The following USP24 variants were observed in gnomAD, a reference collection of about 807,000 sequenced individuals.
The protein encoded by USP24 is ubiquitin carboxyl-terminal hydrolase 24.
Under a neutral mutation model 361.6 loss-of-function variants are expected in USP24, and 97 were observed. The ratio of observed to expected loss-of-function variants is 0.27; its 90% CI spans 0.23 to 0.32. The LOEUF is 0.32. Ranked by LOEUF, USP24 falls within the 10% of genes least tolerant of loss-of-function variation. USP24 has a pLI of 1.00. For synonymous variants in USP24, 1,098 were observed against 1,124.6 expected, an observed-to-expected ratio of 0.98 and a Z score of 0.47; for missense variants, 2,353 against 3,165.6, an observed-to-expected ratio of 0.74 and a Z score of 6.16.
intron 55 of USP24, among the ~76,000 whole-genome samples, chr1:55,088,114 T>C (rs866613643): frequency 6.6e-5 from 10 of 152,224 alleles, no homozygotes; most frequent in African/African-American, 2.4e-4. Context: ...CGCTGAAGAA[T>C]TTTTAACCAG....
rs61532738 is a variant in USP24, at chr1:55,177,094, CA to C, written c.491-652del. Among the ~76,000 whole-genome samples, 485 of 131,544 alleles carry C rather than the reference CA, an allele frequency of 3.7e-3. 1 individual carries two copies. The highest frequency in any genetic ancestry group is 0.011 in the South Asian group (46 of 4,192). The allele number at this position is 131,544 out of a possible 152,430, so 86.3% of individuals were successfully genotyped here. The stretch of plus-strand genomic sequence containing the variant: ...CAACCCTGTCTCAAAAATCAAAAAC[CA>C]AAAAAAAAAAAACAACAAAAACAAA... On this transcript the variant is annotated intron_variant, in intron 2 of 67. Transcript: ENST00000294383.
chr1:55,095,198 C>T (rs912302402), intron 51 of USP24, 57 bp downstream of exon 51: 4 of 1,570,302 alleles, frequency 2.5e-6, no homozygotes, highest in African/African-American at 2.7e-5. Flanking sequence ...TATATTGTCA[C>T]AGACCACATC....
chr1:55,132,738 A>C (rs147970940), intron 30 of USP24, 38 bp from the exon 31 acceptor site: 75 of 1,575,014 alleles, frequency 4.8e-5, no homozygotes, highest in Middle Eastern at 3.4e-4. Flanking sequence ...AAACTACTTA[A>C]AAGGACAAAT....
At chr1:55,147,617 A>T in intron 18 of USP24, 32 bp downstream of exon 18, 1 of 1,555,316 alleles carries the variant, frequency 6.4e-7, no homozygotes, top group Non-Finnish European at 8.7e-7. Context: ...TTAATGTTGT[A>T]AATCATGAAG....
chr1:55,201,759 G>A (rs543196422), intron 1 of USP24, among the ~76,000 whole-genome samples: 47 of 152,196 alleles, frequency 3.1e-4, no homozygotes, highest in Admixed American at 9.8e-4. Context: ...AAGAAAGAAC[G>A]GGAGGAGGTA....
intron 1 of USP24, among the ~76,000 whole-genome samples, chr1:55,208,752 A>G (rs1644774609): frequency 6.6e-6 from 1 of 152,226 alleles, no homozygotes; most frequent in South Asian, 2.1e-4. Context: ...CCTGGCCAAC[A>G]TGGTGAAACC....
Position 55,067,298 on chromosome 1 carries a change from T to A in USP24, c.*1747A>T, listed in dbSNP as rs1255518494. 1 of 152,010 alleles carries A rather than the reference T, an allele frequency of 6.6e-6. No homozygotes were observed. The highest frequency in any genetic ancestry group is 1.5e-5 in the Non-Finnish European group (1 of 68,010). The allele number at this position is 152,010 out of a possible 1,614,324, so 9.4% of individuals were successfully genotyped here. A position where few individuals can be genotyped will look rare whatever the true frequency, so the allele number is the denominator to read the frequency against. ...GGTGAGAATAGGGTAGGGGAAACAG[T>A]AGGACAGGAAGTATTCACGTACTCA... On this transcript the variant is annotated 3_prime_UTR_variant, in exon 68 of 68. Transcript: ENST00000294383.
chr1:55,212,273 G>A (rs569451588), intron 1 of USP24, among the ~76,000 whole-genome samples: 3 of 152,288 alleles, frequency 2.0e-5, no homozygotes, highest in Admixed American at 2.0e-4. Flanking sequence ...TCATTGCACA[G>A]TAGCCTTAAA....
chr1:55,092,244 A>G (rs1273898188), intron 53 of USP24, 118 bp from the exon 54 acceptor site: 2 of 556,770 alleles, frequency 3.6e-6, no homozygotes, highest in Non-Finnish European at 6.0e-6. Flanking sequence ...CACACATGAT[A>G]AAGTTAAATA....
At chr1:55,183,493 C>G (rs1644036167) in intron 1 of USP24, among the ~76,000 whole-genome samples, 1 of 151,820 alleles carries the variant, frequency 6.6e-6, no homozygotes, top group Non-Finnish European at 1.5e-5. Flanking sequence ...CCAGGACAAC[C>G]ATGAAGAAAA....
chr1:55,079,769 T>C, intron 59 of USP24, 110 bp from the exon 60 acceptor site: 8 of 1,399,954 alleles, frequency 5.7e-6, no homozygotes, highest in Non-Finnish European at 7.5e-6. Flanking sequence ...ACACACTGAG[T>C]ACTCTCACAG....
rs1645526483 is a variant in USP24 at position 55,097,584 on chromosome 1, AG to A, written c.5715+13del. ...TGAATGGTTGTGAAAAATTTCAGGA[AG>A]AAAAAAAGTTACCCTTATTTGTTCA... On this transcript the variant is annotated intron_variant, in intron 48 of 67. Transcript: ENST00000294383. The A allele has an allele frequency of 7.9e-6, 12 of 1,525,264 alleles. No individual in the cohort carries two copies. The highest frequency in any genetic ancestry group is 1.4e-5 in the African/African-American group (1 of 71,280). The allele number at this position is 1,525,264 out of a possible 1,614,324, so 94.5% of individuals were successfully genotyped here.
chr1:55,132,485 T>C (rs1044952066), intron 31 of USP24, 60 bp downstream of exon 31: 2 of 1,518,924 alleles, frequency 1.3e-6, no homozygotes, highest in Non-Finnish European at 1.8e-6. Context: ...TCTGAAAGCA[T>C]GAATCGATAA....
At chr1:55,071,463 T>C in intron 67 of USP24, 1 of 1,032,330 alleles carries the variant, frequency 9.7e-7, no homozygotes, top group Non-Finnish European at 1.2e-6. Context: ...GGAAGGCTGG[T>C]GAGAGCAAAC....
At chr1:55,149,633 C>T (rs1025608315) in intron 16 of USP24, among the ~76,000 whole-genome samples, 1 of 152,156 alleles carries the variant, frequency 6.6e-6, no homozygotes, top group African/African-American at 2.4e-5. Context: ...TATATTTTAA[C>T]ATATCTGAAA....
intron 25 of USP24, 85 bp from the exon 26 acceptor site, chr1:55,138,803 G>A (rs1443522740): frequency 1.5e-6 from 2 of 1,299,930 alleles, no homozygotes; most frequent in Non-Finnish European, 2.2e-6. Flanking sequence ...TATGATGAAT[G>A]AAGATGCTTT....
chr1:55,080,438 T>C (rs913056325), intron 59 of USP24, among the ~76,000 whole-genome samples: 1 of 152,250 alleles, frequency 6.6e-6, no homozygotes, highest in African/African-American at 2.4e-5. Flanking sequence ...TTTGCATTCA[T>C]GCCTTGGCTT....
rs35785163 is a variant in USP24, at chr1:55,198,153, ATT to A, written c.324+16635_324+16636del. On this transcript the variant is annotated intron_variant, in intron 1 of 67. Transcript: ENST00000294383. ...CTTTTTTAAAAAAATATTAAAAATA[ATT>A]TTTTTTTTTAAAGACAGGATCTCAC... 3.6e-3 allele frequency among the ~76,000 whole-genome samples: 544 copies of A among 150,814 alleles called. 19 individuals carry two copies. Among genetic ancestry groups the A allele is most frequent in the East Asian group, 2.0e-3 (10 of 5,126 alleles).
chr1:55,172,252 G>A (rs982841763), intron 4 of USP24, 125 bp downstream of exon 4: 21 of 928,980 alleles, frequency 2.3e-5, no homozygotes, highest in Middle Eastern at 3.4e-4. Context: ...AAAGACAAAG[G>A]ATCCTAACAG....
Sources: gnomAD v4.1 joint callset for allele counts (sites outside exome capture counted in the v4.1 genomes callset) on GRCh38, gnomAD v4.1.1 for gene constraint, MANE v1.5 for transcripts, NCBI Gene and HGNC (gene_info 2026-07-23, HGNC 2026-07-21) for gene names.